The following MAF variants were observed in gnomAD, a reference collection of about 807,000 sequenced individuals.
MAF encodes transcription factor Maf.
MAF carries 10 observed loss-of-function variants against 22.0 expected under a neutral mutation model. The observed-to-expected ratio is 0.45, with a 90% confidence interval of 0.28 to 0.77. The LOEUF (loss-of-function observed/expected upper bound fraction) is 0.77. Ranked by LOEUF, MAF falls within the 30% of genes least tolerant of loss-of-function variation. The pLI is 0.12. For missense variants in MAF, 544 were observed against 548.4 expected (o/e 0.99, Z 0.08); for synonymous variants, 337 against 255.8 (o/e 1.32, Z -3.03).
the MAF span, among the ~76,000 whole-genome samples, chr16:79,526,020 T>C: frequency 6.6e-6 from 1 of 152,194 alleles, no homozygotes; most frequent in Non-Finnish European, 1.5e-5. Flanking sequence ...CAGGAAAGGC[T>C]CTTAATTTAC....
the MAF span, among the ~76,000 whole-genome samples, chr16:79,571,410 A>C: frequency 6.6e-6 from 1 of 152,044 alleles, no homozygotes; most frequent in East Asian, 1.9e-4. Flanking sequence ...CCAAATCCCT[A>C]AATTTATGGA....
At chr16:79,386,429 T>C in the MAF span, among the ~76,000 whole-genome samples, 3 of 152,088 alleles carry the variant, frequency 2.0e-5, no homozygotes, top group Admixed American at 2.0e-4. Context: ...TTTGAGAATC[T>C]AATGCTGTGG....
At chr16:79,561,759 C>T in the MAF span, among the ~76,000 whole-genome samples, 1 of 152,168 alleles carries the variant, frequency 6.6e-6, no homozygotes, top group African/African-American at 2.4e-5. Flanking sequence ...GAATTATCCA[C>T]ACACTTCCGA....
the MAF span, among the ~76,000 whole-genome samples, chr16:79,452,442 A>G: frequency 6.6e-6 from 1 of 152,244 alleles, no homozygotes. Flanking sequence ...AGTCTTAGAA[A>G]TTAAGACAAT....
the MAF span, chr16:79,211,514 G>T: frequency 1.3e-6 from 2 of 1,523,288 alleles, no homozygotes; most frequent in East Asian, 2.3e-5. Flanking sequence ...GAACCAGGTG[G>T]GGGAGGCCTG....
chr16:79,545,036 G>A, the MAF span, among the ~76,000 whole-genome samples: 56 of 152,116 alleles, frequency 3.7e-4, no homozygotes, highest in Non-Finnish European at 1.0e-4. Flanking sequence ...CCTCAGGCCA[G>A]GATGGTGTCC....
the MAF span, chr16:79,203,865 G>A: frequency 2.0e-5 from 3 of 152,148 alleles, no homozygotes; most frequent in Admixed American, 2.0e-4. Context: ...CGCAGTACAC[G>A]AGCTAGCTAT....
chr16:79,216,768 G>A, the MAF span, among the ~76,000 whole-genome samples: 1 of 151,042 alleles, frequency 6.6e-6, no homozygotes, highest in South Asian at 2.1e-4. Context: ...GTGTGTATTT[G>A]TAGTATATGA....
At chr16:79,246,671 A>G in the MAF span, among the ~76,000 whole-genome samples, 9 of 152,198 alleles carry the variant, frequency 5.9e-5, no homozygotes, top group African/African-American at 1.9e-4. Flanking sequence ...TTAATTTTTA[A>G]GTGGCTTTCA....
chr16:79,374,345 T>C, the MAF span, among the ~76,000 whole-genome samples: 2 of 152,184 alleles, frequency 1.3e-5, no homozygotes, highest in Admixed American at 6.5e-5. Flanking sequence ...TGCATCCAAC[T>C]GGTCAATGAG....
chr16:79,234,912 C>T, the MAF span, among the ~76,000 whole-genome samples: 91,228 of 151,884 alleles, frequency 0.6, 28,523 homozygotes, highest in Non-Finnish European at 0.68. Context: ...CGTTGCTGGA[C>T]GCACCCTTCT....
At chr16:79,281,574 G>T in the MAF span, among the ~76,000 whole-genome samples, 1 of 148,042 alleles carries the variant, frequency 6.8e-6, no homozygotes, top group Non-Finnish European at 1.5e-5. Flanking sequence ...TTTTGAGAGG[G>T]AGTCTTGCTC....
At chr16:79,514,879 G>A in the MAF span, among the ~76,000 whole-genome samples, 530 of 152,302 alleles carry the variant, frequency 3.5e-3, 6 homozygotes, top group African/African-American at 0.012. Flanking sequence ...CCTCATGGTT[G>A]CAATAGGTAT....
chr16:79,499,773 A>G, the MAF span, among the ~76,000 whole-genome samples: 1 of 152,190 alleles, frequency 6.6e-6, no homozygotes, highest in Non-Finnish European at 1.5e-5. Flanking sequence ...TTTATAAGCT[A>G]CCCAATATTT....
At chr16:79,549,738 G>C in the MAF span, among the ~76,000 whole-genome samples, 26 of 152,188 alleles carry the variant, frequency 1.7e-4, no homozygotes, top group Non-Finnish European at 2.8e-4. Flanking sequence ...GGGAAGCTGA[G>C]TCTCCTCCTC....
the MAF span, among the ~76,000 whole-genome samples, chr16:79,244,339 C>T: frequency 1.3e-5 from 2 of 152,040 alleles, no homozygotes; most frequent in African/African-American, 2.4e-5. Flanking sequence ...CCCAAAATCT[C>T]CTTAAGCAGA....
At chr16:79,359,400 T>C in the MAF span, among the ~76,000 whole-genome samples, 1 of 152,180 alleles carries the variant, frequency 6.6e-6, no homozygotes, top group Non-Finnish European at 1.5e-5. Context: ...TGCCAGTATT[T>C]TCAGATGACT....
At chr16:79,536,419 G>C in the MAF span, among the ~76,000 whole-genome samples, 4 of 152,188 alleles carry the variant, frequency 2.6e-5, no homozygotes, top group Non-Finnish European at 4.4e-5. Context: ...GAGGTGGGCA[G>C]ATCACTTGAG....
the MAF span, among the ~76,000 whole-genome samples, chr16:79,225,694 C>T: frequency 6.6e-6 from 1 of 152,142 alleles, no homozygotes; most frequent in African/African-American, 2.4e-5. Context: ...AAAAACCACA[C>T]AACCCCATCA....
Sources: gnomAD v4.1 joint callset for allele counts (sites outside exome capture counted in the v4.1 genomes callset) on GRCh38, gnomAD v4.1.1 for gene constraint, MANE v1.5 for transcripts, NCBI Gene and HGNC (gene_info 2026-07-23, HGNC 2026-07-21) for gene names.